TMBIM4: variants seen among roughly 807,000 people sequenced by gnomAD.
The protein encoded by TMBIM4 is transmembrane BAX inhibitor motif containing 4, also known as protein lifeguard 4.
A neutral mutation model predicts 27.7 loss-of-function variants in TMBIM4; 28 were observed. The observed-to-expected ratio is 1.01, with a 90% CI of 0.75 to 1.38. TMBIM4 has a LOEUF of 1.38. Among genes scored for constraint, TMBIM4 ranks in the 40% most tolerant of loss-of-function variants. The pLI is 0.00. For missense variants in TMBIM4, 265 were observed against 277.5 expected, an observed-to-expected ratio of 0.95 and a Z score of 0.32; for synonymous variants, 115 against 113.1, an observed-to-expected ratio of 1.02 and a Z score of -0.11.
intron 1 of TMBIM4, chr12:66,160,444 T>C (rs2052015507): frequency 1.8e-6 from 1 of 548,372 alleles, no homozygotes; most frequent in South Asian, 2.6e-5. Context: ...TTTGAAGGAA[T>C]AAAAAAAAGG....
chr12:66,153,212 A>T, intron 2 of TMBIM4, 128 bp downstream of exon 2: 1 of 616,728 alleles, frequency 1.6e-6, no homozygotes, highest in East Asian at 3.3e-5. Context: ...CAGGCTTATA[A>T]GAGTAAATGA....
chr12:66,165,230 T>G (rs2052105783), intron 1 of TMBIM4, among the ~76,000 whole-genome samples: 3 of 152,030 alleles, frequency 2.0e-5, no homozygotes, highest in Non-Finnish European at 4.4e-5. Context: ...ATATGGAATG[T>G]CAGGGGACCC....
intron 1 of TMBIM4, among the ~76,000 whole-genome samples, chr12:66,163,648 C>T (rs372798383): frequency 6.6e-6 from 1 of 152,144 alleles, no homozygotes; most frequent in Non-Finnish European, 1.5e-5. Context: ...TCCCACAACA[C>T]GTGGGGATGA....
At chr12:66,151,324 C>T (rs954876526) in intron 3 of TMBIM4, among the ~76,000 whole-genome samples, 7 of 152,092 alleles carry the variant, frequency 4.6e-5, no homozygotes, top group Admixed American at 3.3e-4. Context: ...GCCTCCACCC[C>T]GCAACCCCGT....
At chr12:66,169,743 T>A (rs1285937178) in intron 1 of TMBIM4, 112 bp downstream of exon 1, 1 of 813,186 alleles carries the variant, frequency 1.2e-6, no homozygotes, top group African/African-American at 1.8e-5. Context: ...CAGTGAGCAC[T>A]CCCTGTGAGT....
rs529779138 is a variant in TMBIM4, at chr12:66,152,605, C to T, written c.207-229G>A. Among the ~76,000 whole-genome samples the T allele has an allele frequency of 5.9e-5, 9 of 152,042 alleles. 1 individual carries two copies. In the South Asian group the frequency reaches 1.9e-3, roughly 31 times the overall value. Reference sequence around the variant, plus strand: ...AAGAGCCCAAAATGAATGGGGGAAACTTTTTCTTTTTACCATATAAACTTC... The same window carrying T: ...AAGAGCCCAAAATGAATGGGGGAAATTTTTTCTTTTTACCATATAAACTTC... On this transcript the variant is annotated intron_variant, in intron 2 of 6. Transcript: ENST00000358230.
intron 1 of TMBIM4, among the ~76,000 whole-genome samples, chr12:66,162,380 A>G (rs904237520): frequency 6.6e-6 from 1 of 152,238 alleles, no homozygotes; most frequent in Non-Finnish European, 1.5e-5. Flanking sequence ...CACAACATGG[A>G]ATGCATTTGC....
At chr12:66,153,212 AGAGT>A (rs2051877701) in intron 2 of TMBIM4, 124 bp downstream of exon 2, 1 of 616,728 alleles carries the variant, frequency 1.6e-6, no homozygotes, top group Non-Finnish European at 2.8e-6. Flanking sequence ...CAGGCTTATA[AGAGT>A]AAATGAACCT....
intron 1 of TMBIM4, among the ~76,000 whole-genome samples, chr12:66,155,678 A>G (rs2051924378): frequency 6.6e-6 from 1 of 152,076 alleles, no homozygotes; most frequent in South Asian, 2.1e-4. Flanking sequence ...TACCTCATAT[A>G]ACTCAAACCC....
At chr12:66,169,615 C>T (rs2052199564) in intron 1 of TMBIM4, 1 of 464,110 alleles carries the variant, frequency 2.2e-6, no homozygotes, top group Non-Finnish European at 3.8e-6. Flanking sequence ...CACAGGACAG[C>T]CGCAAGCCTT....
At chr12:66,157,473 A>T (rs762785217) in intron 1 of TMBIM4, among the ~76,000 whole-genome samples, 1 of 152,190 alleles carries the variant, frequency 6.6e-6, no homozygotes, top group South Asian at 2.1e-4. Flanking sequence ...AGAAACTGAG[A>T]TAATGTTTAT....
intron 4 of TMBIM4, among the ~76,000 whole-genome samples, chr12:66,147,172 C>CA (rs1213324891): frequency 2.6e-5 from 4 of 151,706 alleles, no homozygotes; most frequent in African/African-American, 9.7e-5. Context: ...AAAGAGATTA[C>CA]AAAAACATAC....
chr12:66,157,937 A>G (rs1406991866), intron 1 of TMBIM4, among the ~76,000 whole-genome samples: 2 of 152,212 alleles, frequency 1.3e-5, no homozygotes, highest in Non-Finnish European at 2.9e-5. Context: ...AGAAATGTCA[A>G]AAAGATGGGC....
At chr12:66,168,119 G>C (rs2052163323) in intron 1 of TMBIM4, among the ~76,000 whole-genome samples, 1 of 151,960 alleles carries the variant, frequency 6.6e-6, no homozygotes, top group African/African-American at 2.4e-5. Flanking sequence ...TACTCGAGAG[G>C]CTGAGGCGGG....
At chr12:66,149,143 T>A (rs748872314) in intron 3 of TMBIM4, among the ~76,000 whole-genome samples, 3 of 152,052 alleles carry the variant, frequency 2.0e-5, no homozygotes, top group Non-Finnish European at 4.4e-5. Flanking sequence ...CAAAAGATGA[T>A]AGAAATTTTT....
chr12:66,163,106 C>T (rs1185956600), intron 1 of TMBIM4, among the ~76,000 whole-genome samples: 2 of 152,184 alleles, frequency 1.3e-5, no homozygotes, highest in Non-Finnish European at 2.9e-5. Flanking sequence ...GCCTTCTATT[C>T]ACACACCAGA....
intron 5 of TMBIM4, among the ~76,000 whole-genome samples, chr12:66,139,442 GT>G (rs1387580591): frequency 1.3e-5 from 2 of 152,142 alleles, no homozygotes; most frequent in African/African-American, 4.8e-5. Context: ...TGAAACAACA[GT>G]TCTTGGACAC....
At chr12:66,147,985 A>G (rs368938621) in intron 3 of TMBIM4, 44 bp from the exon 4 acceptor site, 11 of 1,550,442 alleles carry the variant, frequency 7.1e-6, no homozygotes, top group Non-Finnish European at 9.7e-6. Flanking sequence ...AATTTATACT[A>G]TCTCATGTAC....
At chr12:66,164,656 A>C (rs953201622) in intron 1 of TMBIM4, among the ~76,000 whole-genome samples, 1 of 152,242 alleles carries the variant, frequency 6.6e-6, no homozygotes, top group South Asian at 2.1e-4. Context: ...GAAAAGCTGA[A>C]AACTTTTCAT....
Sources: gnomAD v4.1 joint callset for allele counts (sites outside exome capture counted in the v4.1 genomes callset) on GRCh38, gnomAD v4.1.1 for gene constraint, MANE v1.5 for transcripts, NCBI Gene and HGNC (gene_info 2026-07-23, HGNC 2026-07-21) for gene names.